The following CASP10 variants were observed in gnomAD, a reference collection of about 807,000 sequenced individuals.
The protein encoded by CASP10 is caspase-10.
A neutral mutation model predicts 48.5 loss-of-function variants in CASP10; 41 were observed. The ratio of observed to expected loss-of-function variants is 0.85; its 90% CI spans 0.66 to 1.10. The LOEUF (loss-of-function observed/expected upper bound fraction) is 1.10, where lower values mean the gene tolerates loss of function less well. CASP10 is among the 50% of genes least tolerant of loss of function. CASP10 has a pLI of 0.00. For synonymous variants in CASP10, 232 were observed against 238.4 expected (o/e 0.97, Z 0.25); for missense variants, 614 against 614.5 (o/e 1.00, Z 0.01).
chr2:201,201,584 G>A (rs10190756), intron 5 of CASP10, among the ~76,000 whole-genome samples: 17,425 of 104,306 alleles, frequency 0.17, 2,041 homozygotes, highest in African/African-American at 0.39. Flanking sequence ...TTCCGCTGAC[G>A]TGGGATGATA....
downstream of CASP10, among the ~76,000 whole-genome samples, chr2:201,225,258 G>A (rs868839293): frequency 2.0e-5 from 3 of 152,146 alleles, no homozygotes; most frequent in African/African-American, 7.2e-5. Context: ...AAAGTCTCCT[G>A]TACCCACCAA....
chr2:201,205,736 C>T (rs1945179160), intron 6 of CASP10, 146 bp from the exon 7 acceptor site: 2 of 690,616 alleles, frequency 2.9e-6, no homozygotes, highest in South Asian at 1.5e-5. Flanking sequence ...ATCAGTCTCT[C>T]CCATCAGGAA....
rs41473647 is a variant in CASP10, at chr2:201,203,760, A to G, written c.715A>G (p.Ser239Gly). The change falls in exon 6 of 10, where the codon AGT becomes GGT. Residue 239 changes from serine to glycine, a missense_variant. Ser to Gly is a moderately conservative substitution (Grantham distance 56). Transcript: ENST00000286186. ...GTCCTGGCAAAATAAGCATGCAGGTAGTAATGGTAGGTATTTCTAATGTAC... is the reference window on the plus strand; with the variant it reads ...GTCCTGGCAAAATAAGCATGCAGGTGGTAATGGTAGGTATTTCTAATGTAC... ...QESWQNKHAG[S>G]NGNRATNGAP... 3 of 1,613,030 alleles carry G rather than the reference A, an allele frequency of 1.9e-6. No homozygotes were observed. The highest frequency in any genetic ancestry group is 1.7e-5 in the Admixed American group (1 of 60,000).
chr2:201,210,888 G>A, intron 9 of CASP10, among the ~76,000 whole-genome samples: 1 of 152,052 alleles, frequency 6.6e-6, no homozygotes, highest in East Asian at 1.9e-4. Flanking sequence ...AATATTAAAA[G>A]GAGACAGTAT....
chr2:201,228,382 A>G (rs1945816615), intron 9 of CASP10, among the ~76,000 whole-genome samples: 3 of 152,164 alleles, frequency 2.0e-5, no homozygotes, highest in African/African-American at 7.2e-5. Flanking sequence ...TCCTTCCACT[A>G]GGGCAGAAGG....
At chr2:201,202,583 G>GTCT (rs1945057402) in intron 5 of CASP10, among the ~76,000 whole-genome samples, 1 of 152,220 alleles carries the variant, frequency 6.6e-6, no homozygotes, top group South Asian at 2.1e-4. Context: ...AGTCTGGCCA[G>GTCT]GCCCTTGTCT....
At position 201,200,276 on chromosome 2, in the gene CASP10, C is replaced by T. The variant is rs41514048; in HGVS notation, c.685-3454C>T. 2.9e-3 allele frequency among the ~76,000 whole-genome samples: 439 copies of T among 152,346 alleles called. 9 individuals are homozygous for T. The East Asian group carries it at 0.056, about 19-fold the overall frequency. On this transcript the variant is annotated intron_variant, in intron 5 of 9. Transcript: ENST00000286186. Reference sequence around the variant, plus strand: ...AAGATTCTGTAAATATCCTGCTGCACATGAAAAGTTTCCCCCTAGATTGAG... The same window carrying T: ...AAGATTCTGTAAATATCCTGCTGCATATGAAAAGTTTCCCCCTAGATTGAG...
intron 3 of CASP10, among the ~76,000 whole-genome samples, chr2:201,192,550 T>A (rs1380885756): frequency 6.6e-6 from 1 of 152,134 alleles, no homozygotes; most frequent in Non-Finnish European, 1.5e-5. Flanking sequence ...CTAAGCAGTA[T>A]CATTTAAAGC....
In CASP10 at chr2:201,218,494, G is replaced by A; in HGVS notation, c.*753G>A. 1 of 695,966 alleles carries A rather than the reference G, an allele frequency of 1.4e-6. No homozygotes were observed. Among genetic ancestry groups the A allele is most frequent in the Non-Finnish European group, 1.8e-6 (1 of 566,894 alleles). The allele number at this position is 695,966 out of a possible 1,614,324, so 43.1% of individuals were successfully genotyped here. On this transcript the variant is annotated 3_prime_UTR_variant, in exon 10 of 10. Transcript: ENST00000286186. The stretch of plus-strand genomic sequence containing the variant: ...TTTTTATTTTTTTTGTGGAGATGGG[G>A]TTTCACTATGTTGCCTAAGCTGGTC...
downstream of CASP10, among the ~76,000 whole-genome samples, chr2:201,223,655 G>T (rs1945752336): frequency 6.6e-6 from 1 of 152,306 alleles, no homozygotes; most frequent in South Asian, 2.1e-4. Context: ...GATTTGCGTT[G>T]TATGTGACAA....
downstream of CASP10, among the ~76,000 whole-genome samples, chr2:201,223,969 C>CTTT (rs1465653869): frequency 2.0e-5 from 3 of 147,966 alleles, no homozygotes; most frequent in African/African-American, 7.6e-5. Flanking sequence ...AAATGGAACT[C>CTTT]TTTTCTTTTT....
intron 1 of CASP10, among the ~76,000 whole-genome samples, chr2:201,184,997 T>C (rs2126003382): frequency 6.6e-6 from 1 of 152,256 alleles, no homozygotes; most frequent in Non-Finnish European, 1.5e-5. Flanking sequence ...TTTATTTATT[T>C]ATTTTTCTTT....
rs376911298 is a variant in CASP10 at position 201,217,631 on chromosome 2, G to T, written c.1459G>T (p.Val487Leu). 6.8e-6 allele frequency: 11 copies of T among 1,614,184 alleles called. No individual in the cohort carries two copies. Among genetic ancestry groups the T allele is most frequent in the Non-Finnish European group, 9.3e-6 (11 of 1,180,022 alleles). Reference sequence around the variant, plus strand: ...CATCCTCACTGCTGTCAACGATGATGTGAGTCGAAGAGTGGACAAACAGGG... The same window carrying T: ...CATCCTCACTGCTGTCAACGATGATTTGAGTCGAAGAGTGGACAAACAGGG... ...LSILTAVNDD[V>L]SRRVDKQGTK... The change falls in exon 10 of 10, where the codon GTG (valine) becomes TTG (leucine). Residue 487 changes from valine to leucine, a missense_variant. Physicochemically the swap from Val to Leu is conservative, Grantham distance 32. Transcript: ENST00000286186.
chr2:201,199,691 C>T (rs1944943710), intron 5 of CASP10, among the ~76,000 whole-genome samples: 1 of 150,724 alleles, frequency 6.6e-6, no homozygotes, highest in Middle Eastern at 3.4e-3. Context: ...TCTTGTGCCT[C>T]AGCCTCCCAA....
At chr2:201,199,906 T>A (rs1944952614) in intron 5 of CASP10, among the ~76,000 whole-genome samples, 1 of 152,144 alleles carries the variant, frequency 6.6e-6, no homozygotes. Flanking sequence ...TTTCCACAAC[T>A]TTTATGACAT....
chr2:201,222,888 A>G (rs955749342), downstream of CASP10, among the ~76,000 whole-genome samples: 2 of 152,186 alleles, frequency 1.3e-5, no homozygotes, highest in Non-Finnish European at 2.9e-5. Context: ...TCATACAGGT[A>G]ATTTTTGTGC....
intron 7 of CASP10, 36 bp downstream of exon 7, chr2:201,206,009 A>AG: frequency 1.4e-6 from 2 of 1,450,378 alleles, no homozygotes; most frequent in Non-Finnish European, 1.9e-6. Context: ...TTTTAATAAA[A>AG]AAATTTTTTT....
chr2:201,203,768 T>C lies in CASP10; in HGVS notation c.721+2T>C. The stretch of plus-strand genomic sequence containing the variant: ...AAAATAAGCATGCAGGTAGTAATGG[T>C]AGGTATTTCTAATGTACTTTTTACA... On this transcript the variant is annotated splice_donor_variant, in intron 6 of 9. Coordinates refer to ENST00000286186, the MANE Select transcript of CASP10 (RefSeq NM_032977.4). LOFTEE classifies it high-confidence loss of function. 1 of 1,612,114 alleles carries C rather than the reference T, an allele frequency of 6.2e-7. No individual in the cohort carries two copies. Among genetic ancestry groups the C allele is most frequent in the Non-Finnish European group, 8.5e-7 (1 of 1,178,204 alleles).
At chr2:201,203,906 A>ATGTCTTGCCTTGAATT in intron 6 of CASP10, 140 bp downstream of exon 6, 4 of 756,492 alleles carry the variant, frequency 5.3e-6, no homozygotes, top group Non-Finnish European at 9.1e-6. Context: ...TTCCAATTCA[A>ATGTCTTGCCTTGAATT]GGCAAGACAT....
Sources: allele counts gnomAD v4.1 joint callset (sites outside exome capture counted in the v4.1 genomes callset), GRCh38; gene constraint gnomAD v4.1.1; transcripts MANE v1.5; gene names NCBI Gene and HGNC (gene_info 2026-07-23, HGNC 2026-07-21).